The following DIAPH2 variants were observed in gnomAD, a reference collection of about 807,000 sequenced individuals.
The protein encoded by DIAPH2 is protein diaphanous homolog 2.
A neutral mutation model predicts 92.7 loss-of-function variants in DIAPH2; 35 were observed. The observed-to-expected ratio is 0.38, with a 90% confidence interval of 0.29 to 0.50. The LOEUF (loss-of-function observed/expected upper bound fraction) is 0.50. DIAPH2 is among the 20% of genes least tolerant of loss of function. The pLI is 0.94. For missense variants in DIAPH2, 701 were observed against 819.5 expected, an observed-to-expected ratio of 0.86 and a Z score of 1.77; for synonymous variants, 301 against 280.4, an observed-to-expected ratio of 1.07 and a Z score of -0.73.
intron 26 of DIAPH2, among the ~76,000 whole-genome samples, chrX:97,552,826 G>T (rs1371268046): frequency 9.0e-6 from 1 of 111,694 alleles, no homozygotes. Flanking sequence ...AGACTTGGTG[G>T]CTTAAGCTGG....
chrX:97,597,600 C>T (rs759069604), intron 26 of DIAPH2, among the ~76,000 whole-genome samples: 3 of 111,909 alleles, frequency 2.7e-5, no homozygotes, highest in African/African-American at 6.5e-5. Context: ...GTCATTCTCA[C>T]GTCTGGTAGC....
In DIAPH2 at chrX:97,075,149, A is replaced by C; in HGVS notation, c.2153-18A>C. On this transcript the variant is annotated intron_variant, in intron 18 of 26. Coordinates refer to ENST00000324765, the MANE Select transcript of DIAPH2 (RefSeq NM_006729.5). Reference sequence around the variant, plus strand: ...GTTGATGCTGTTATACTTTTAATAAAATCAAATTTTATTTTAGCCATCTTT... The same window carrying C: ...GTTGATGCTGTTATACTTTTAATAACATCAAATTTTATTTTAGCCATCTTT... 9.1e-7 allele frequency: 1 copy of C among 1,099,269 alleles called. No homozygotes were observed. The highest frequency in any genetic ancestry group is 1.8e-5 in the African/African-American group (1 of 54,361). The allele number at this position is 1,099,269 out of a possible 1,213,427, so 90.6% of individuals were successfully genotyped here.
chrX:96,837,806 ATTG>A (rs2064909296), intron 4 of DIAPH2, among the ~76,000 whole-genome samples: 2 of 111,451 alleles, frequency 1.8e-5, no homozygotes, highest in African/African-American at 6.5e-5. Flanking sequence ...CTATATTTAG[ATTG>A]TTCATGTGTG....
chrX:97,005,333 AT>A (rs557177508), intron 17 of DIAPH2, among the ~76,000 whole-genome samples: 2,055 of 92,217 alleles, frequency 0.022, 24 homozygotes, highest in Non-Finnish European at 0.029. Context: ...CTCCTCCTCT[AT>A]TTTTTTTTTT....
At chrX:96,773,848 A>G (rs2064357193) in intron 4 of DIAPH2, among the ~76,000 whole-genome samples, 1 of 111,252 alleles carries the variant, frequency 9.0e-6, no homozygotes, top group Admixed American at 9.6e-5. Flanking sequence ...CTCTGTCTCA[A>G]AAAACAAACA....
intron 26 of DIAPH2, among the ~76,000 whole-genome samples, chrX:97,521,920 A>G (rs2070994160): frequency 8.9e-6 from 1 of 112,152 alleles, no homozygotes; most frequent in Non-Finnish European, 1.9e-5. Context: ...AATTATTTCA[A>G]ATGTACAGAA....
intron 4 of DIAPH2, among the ~76,000 whole-genome samples, chrX:96,782,087 T>C (rs1291496372): frequency 9.0e-6 from 1 of 111,722 alleles, no homozygotes; most frequent in East Asian, 2.8e-4. Flanking sequence ...CTGTTTATTC[T>C]AAATATTTTA....
chrX:97,360,904 C>G (rs766747601), intron 24 of DIAPH2, among the ~76,000 whole-genome samples: 1 of 110,893 alleles, frequency 9.0e-6, no homozygotes, highest in South Asian at 3.9e-4. Flanking sequence ...CAGTCTCCTT[C>G]TGTTGCCCAG....
intron 1 of DIAPH2, among the ~76,000 whole-genome samples, chrX:96,731,827 GCA>G (rs2064057309): frequency 9.0e-6 from 1 of 111,341 alleles, no homozygotes; most frequent in Non-Finnish European, 1.9e-5. Flanking sequence ...CTTGACTAAT[GCA>G]CAGTCTTATT....
intron 21 of DIAPH2, among the ~76,000 whole-genome samples, chrX:97,130,506 A>G (rs1407738708): frequency 8.9e-6 from 1 of 112,200 alleles, no homozygotes; most frequent in African/African-American, 3.2e-5. Flanking sequence ...AGCCATATGA[A>G]GAAGGACAAA....
chrX:96,883,743 C>T (rs772255216), intron 5 of DIAPH2, among the ~76,000 whole-genome samples: 3 of 111,000 alleles, frequency 2.7e-5, no homozygotes, highest in South Asian at 3.9e-4. Flanking sequence ...ACAGTAACTA[C>T]GGTGGTGCAT....
chrX:96,881,313 C>G (rs1299339338), intron 4 of DIAPH2, among the ~76,000 whole-genome samples: 1 of 110,866 alleles, frequency 9.0e-6, no homozygotes, highest in African/African-American at 3.3e-5. Context: ...TTTAAGCACC[C>G]CTGTCAATGA....
At chrX:97,334,807 G>C (rs368355475) in intron 23 of DIAPH2, among the ~76,000 whole-genome samples, 81 of 106,723 alleles carry the variant, frequency 7.6e-4, no homozygotes, top group South Asian at 6.8e-3. Context: ...ATAGTGAAAC[G>C]CCGTCTCTAT....
chrX:96,994,015 G>A (rs1036022555), intron 17 of DIAPH2, among the ~76,000 whole-genome samples: 2 of 111,547 alleles, frequency 1.8e-5, no homozygotes, highest in Non-Finnish European at 3.8e-5. Flanking sequence ...ACTGGTAAAG[G>A]ATCTTTTTAC....
At chrX:97,405,777 A>G (rs1019318806) in intron 25 of DIAPH2, among the ~76,000 whole-genome samples, 1 of 111,504 alleles carries the variant, frequency 9.0e-6, no homozygotes, top group African/African-American at 3.3e-5. Context: ...TTGCCTACAA[A>G]ATGACAATGT....
intron 17 of DIAPH2, among the ~76,000 whole-genome samples, chrX:96,985,645 GTCTT>G (rs758516997): frequency 1.6e-3 from 182 of 110,796 alleles, no homozygotes; most frequent in Non-Finnish European, 2.8e-3. Flanking sequence ...CAATATTACT[GTCTT>G]TCTTTTGATA....
intron 19 of DIAPH2, among the ~76,000 whole-genome samples, chrX:97,095,950 A>G (rs1015210174): frequency 3.6e-5 from 4 of 112,006 alleles, no homozygotes; most frequent in Non-Finnish European, 7.5e-5. Flanking sequence ...TTTCTAGGAT[A>G]AAACCTTCAT....
chrX:96,992,212 A>G lies in DIAPH2; in HGVS notation c.2050+27005A>G, dbSNP rs184660192. On this transcript the variant is annotated intron_variant, in intron 17 of 26. Transcript: ENST00000324765. ...AGCCTGAAATGTTAATATGATGATT[A>G]TAGAGGAGTTGGATCCATTTAGAAC... 9.0e-5 allele frequency among the ~76,000 whole-genome samples: 10 copies of G among 111,657 alleles called. No individual in the cohort carries two copies. In the East Asian group the frequency reaches 2.8e-3, roughly 31 times the overall value.
chrX:97,290,980 A>T (rs1282646860), intron 23 of DIAPH2, among the ~76,000 whole-genome samples: 1 of 109,867 alleles, frequency 9.1e-6, no homozygotes, highest in Non-Finnish European at 1.9e-5. Flanking sequence ...GCTACTGTAG[A>T]GGCTGAGACA....
Sources: gnomAD v4.1 joint callset for allele counts (sites outside exome capture counted in the v4.1 genomes callset) on GRCh38, gnomAD v4.1.1 for gene constraint, MANE v1.5 for transcripts, NCBI Gene and HGNC (gene_info 2026-07-23, HGNC 2026-07-21) for gene names.